DISP3: variants seen among roughly 807,000 people sequenced by gnomAD.
DISP3 encodes dispatched RND transporter family member 3.
A neutral mutation model predicts 135.3 loss-of-function variants in DISP3; 101 were observed. That is an observed-to-expected ratio of 0.75 (90% confidence interval 0.64 to 0.88). The LOEUF (loss-of-function observed/expected upper bound fraction) is 0.88. Ranked by LOEUF, DISP3 falls within the 40% of genes least tolerant of loss-of-function variation. The pLI, the probability that DISP3 is intolerant of heterozygous loss-of-function variation, is 0.00. For missense variants in DISP3, 1,713 were observed against 1,878.6 expected, an observed-to-expected ratio of 0.91 and a Z score of 1.63; for synonymous variants, 856 against 817.0, an observed-to-expected ratio of 1.05 and a Z score of -0.81.
chr1:11,531,678 C>G lies in DISP3; in HGVS notation c.3343C>G (p.Arg1115Gly), dbSNP rs373096487. Reference sequence around the variant, plus strand: ...CGGGGCAGTGGGCGTCAGGGAGGGCCGCGTGCAGTGGATCTCCATGGCTTT... The same window carrying G: ...CGGGGCAGTGGGCGTCAGGGAGGGCGGCGTGCAGTGGATCTCCATGGCTTT... ...SHGAVGVREG[R>G]VQWISMAFES... The change falls in exon 17 of 21, where the codon CGC (arginine) becomes GGC (glycine). Residue 1115 changes from arginine (R) to glycine (G), a missense_variant. Arg to Gly is a moderately radical substitution (Grantham distance 125, BLOSUM62 -2). This residue lies in a region of DISP3 where 1,142 missense variants were observed against 1,384.6 expected (regional missense o/e 0.82). Coordinates refer to ENST00000294484, the MANE Select transcript of DISP3 (RefSeq NM_020780.2). This position sits in a 1 kb window ranked among gnomAD's most constrained non-coding sequence, Gnocchi z 5.2. 5.6e-6 allele frequency: 9 copies of G among 1,610,736 alleles called. No individual in the cohort carries two copies. Among genetic ancestry groups the G allele is most frequent in the Non-Finnish European group, 6.8e-6 (8 of 1,178,592 alleles).
At chr1:11,513,951 T>G (rs935905512) in intron 3 of DISP3, among the ~76,000 whole-genome samples, 15 of 90,992 alleles carry the variant, frequency 1.6e-4, no homozygotes, top group East Asian at 1.4e-3. Flanking sequence ...TGGTTATGTT[T>G]TTTTTTTTTT....
intron 1 of DISP3, 60 bp from the exon 2 acceptor site, chr1:11,500,930 C>A: frequency 6.3e-7 from 1 of 1,580,070 alleles, no homozygotes. Flanking sequence ...GCGAACTGCA[C>A]CACAGGGCAC....
chr1:11,522,706 ACCCAGCCAGG>A (rs1642256568), intron 10 of DISP3, among the ~76,000 whole-genome samples: 19 of 24,228 alleles, frequency 7.8e-4, no homozygotes, highest in African/African-American at 1.4e-3. Context: ...CCCAGCCAGG[ACCCAGCCAGG>A]GCCCAGCCAG....
At position 11,526,692 on chromosome 1, in the gene DISP3, C is replaced by A. The variant is rs757183286; in HGVS notation, c.2655C>A (p.Thr885=). 6.2e-7 allele frequency: 1 copy of A among 1,614,142 alleles called. No homozygotes were observed. Among genetic ancestry groups the A allele is most frequent in the Non-Finnish European group, 8.5e-7 (1 of 1,179,998 alleles). The change falls in exon 13 of 21, where the codon ACC becomes ACA. Residue 885 remains threonine, a synonymous_variant. Coordinates refer to ENST00000294484, the MANE Select transcript of DISP3 (RefSeq NM_020780.2). ...TTGGTAACTTCACCAAGAAGCTGAC[C>A]GCTTGTATGTCTACAGTAGGGCTGC... ...APFGNFTKKL[T]ACMSTVGLLQ...
At chr1:11,485,208 C>T (rs1444175975) in intron 1 of DISP3, among the ~76,000 whole-genome samples, 1 of 152,040 alleles carries the variant, frequency 6.6e-6, no homozygotes, top group South Asian at 2.1e-4. Context: ...CAGCTGTCCC[C>T]TGGGGCTGAG....
At chr1:11,525,658 G>C (rs2100498477) in intron 12 of DISP3, among the ~76,000 whole-genome samples, 1 of 152,390 alleles carries the variant, frequency 6.6e-6, no homozygotes, top group South Asian at 2.1e-4. Context: ...TGAGGCCTGT[G>C]CCGTGCAGAA....
rs763357187 is a variant in DISP3 at position 11,519,760 on chromosome 1, C to T, written c.2080C>T (p.Pro694Ser). The stretch of plus-strand genomic sequence containing the variant: ...AGACGTGTCCCTGGTGTCTGTGTCC[C>T]CCGAGGGTCTGCAGCCAGCCTCCAA... The part of the protein sequence containing the change: ...LGDVSLVSVS[P>S]EGLQPASNTG... Residue 694 changes from proline (P) to serine (S), a missense_variant, in exon 9 of 21, where the codon CCC (proline) becomes TCC (serine). Physicochemically the swap from Pro to Ser is moderately conservative, Grantham distance 74 (BLOSUM62 -1). Transcript: ENST00000294484. The surrounding 1 kb of genome is among the most constrained non-coding windows in gnomAD (Gnocchi z 4.3). 41 of 1,613,038 alleles carry T rather than the reference C, an allele frequency of 2.5e-5. 1 individual carries two copies. The East Asian group carries it at 8.2e-4, about 32-fold the overall frequency.
chr1:11,492,116 C>T (rs1181139687), intron 1 of DISP3, among the ~76,000 whole-genome samples: 3 of 104,436 alleles, frequency 2.9e-5, no homozygotes, highest in Admixed American at 1.0e-4. Context: ...AGCGAGACTC[C>T]GTCTCAAAAA....
In DISP3 at chr1:11,499,837, C is replaced by G. The variant is rs1208307285; in HGVS notation, c.-3-1153C>G. ...CAGCCTCTCTTCCTGGACAGATCAT[C>G]TAATTGAAATGGAGCACTCCAAAGA... On this transcript the variant is annotated intron_variant, in intron 1 of 20. Coordinates refer to ENST00000294484, the MANE Select transcript of DISP3 (RefSeq NM_020780.2). The surrounding 1 kb of genome is among the most constrained non-coding windows in gnomAD (Gnocchi z 5.2). Among the ~76,000 whole-genome samples, 1 of 152,220 alleles carries G rather than the reference C, an allele frequency of 6.6e-6. No homozygotes were observed. The highest frequency in any genetic ancestry group is 1.5e-5 in the Non-Finnish European group (1 of 68,054).
chr1:11,491,844 C>T lies in DISP3; in HGVS notation c.-3-9146C>T, dbSNP rs564268271. 1.3e-5 allele frequency among the ~76,000 whole-genome samples: 2 copies of T among 152,058 alleles called. No homozygotes were observed. Among genetic ancestry groups the T allele is most frequent in the African/African-American group, 2.4e-5 (1 of 41,394 alleles). ...GCTGGCTAAGAAGTTAATAATTGGC[C>T]GGGCGCGGTGGCTCACGCCTGTAAT... On this transcript the variant is annotated intron_variant, in intron 1 of 20. Coordinates refer to ENST00000294484, the MANE Select transcript of DISP3 (RefSeq NM_020780.2). The surrounding 1 kb of genome is among the most constrained non-coding windows in gnomAD (Gnocchi z 4.3).
At chr1:11,513,972 A>G (rs891227946) in intron 3 of DISP3, among the ~76,000 whole-genome samples, 2 of 151,512 alleles carry the variant, frequency 1.3e-5, no homozygotes, top group Non-Finnish European at 2.9e-5. Context: ...TTAATTAAAA[A>G]TAACTTGTGT....
intron 10 of DISP3, among the ~76,000 whole-genome samples, chr1:11,521,385 GTGGGGTT>G: frequency 7.9e-6 from 1 of 126,304 alleles, no homozygotes; most frequent in Non-Finnish European, 1.7e-5. Flanking sequence ...GAGAGAAGGG[GTGGGGTT>G]AGCCAGGCTG....
Position 11,519,815 on chromosome 1 carries a change from A to T in DISP3, c.2135A>T (p.Gln712Leu), listed in dbSNP as rs776318600. Residue 712 changes from glutamine (Q) to leucine (L), a missense_variant, in exon 9 of 21, where the codon CAG becomes CTG. Physicochemically the swap from Gln to Leu is moderately radical, Grantham distance 113. Coordinates refer to ENST00000294484, the MANE Select transcript of DISP3 (RefSeq NM_020780.2). This position sits in a 1 kb window ranked among gnomAD's most constrained non-coding sequence, Gnocchi z 4.3. ...NTGSRGHLIV[Q>L]LQELLHHWVL... ...GGCAGCCGCGGCCATCTCATCGTGC[A>T]GCTGCAGGAGCTGCTGCACCACTGG... 1 of 1,612,700 alleles carries T rather than the reference A, an allele frequency of 6.2e-7. No individual in the cohort carries two copies. The highest frequency in any genetic ancestry group is 1.7e-5 in the Admixed American group (1 of 60,014).
At chr1:11,504,486 G>C (rs1243875523) in intron 3 of DISP3, among the ~76,000 whole-genome samples, 1 of 152,208 alleles carries the variant, frequency 6.6e-6, no homozygotes, top group East Asian at 1.9e-4. Flanking sequence ...CCCACTACCT[G>C]CTATGGTTTG....
Position 11,520,166 on chromosome 1 carries a change from C to T in DISP3, c.2200+286C>T, listed in dbSNP as rs1483507149. ...ACTTGAGTCTGAGTCCCAGTTTGGC[C>T]GCGTCCTAGCTGTGTGAATTTGGCT... On this transcript the variant is annotated intron_variant, in intron 9 of 20. Coordinates refer to ENST00000294484, the MANE Select transcript of DISP3 (RefSeq NM_020780.2). The surrounding 1 kb of genome is among the most constrained non-coding windows in gnomAD (Gnocchi z 4.8). Among the ~76,000 whole-genome samples, 3 of 152,028 alleles carry T rather than the reference C, an allele frequency of 2.0e-5. No homozygotes were observed. The highest frequency in any genetic ancestry group is 6.5e-5 in the Admixed American group (1 of 15,278).
chr1:11,510,006 G>A (rs949025684), intron 3 of DISP3, among the ~76,000 whole-genome samples: 1 of 152,108 alleles, frequency 6.6e-6, no homozygotes, highest in African/African-American at 2.4e-5. Context: ...GGCTGAGGGA[G>A]GAGAATGGCG....
Position 11,531,175 on chromosome 1 carries a change from C to T in DISP3, c.3229+142C>T. 3 of 1,351,730 alleles carry T rather than the reference C, an allele frequency of 2.2e-6. No homozygotes were observed. Among genetic ancestry groups the T allele is most frequent in the Non-Finnish European group, 2.0e-6 (2 of 994,812 alleles). The allele number at this position is 1,351,730 out of a possible 1,614,324, so 83.7% of individuals were successfully genotyped here. ...TTTGCAGATGTGTATCTGTGCTGAG[C>T]ATGTCCACACCAGGGTGGGGTGTGT... is the stretch of plus-strand genomic sequence containing the variant. On this transcript the variant is annotated intron_variant, in intron 16 of 20. Transcript: ENST00000294484. This position sits in a 1 kb window ranked among gnomAD's most constrained non-coding sequence, Gnocchi z 5.2.
At chr1:11,522,661 A>G (rs372228084) in intron 10 of DISP3, among the ~76,000 whole-genome samples, 6,978 of 38,728 alleles carry the variant, frequency 0.18, 64 homozygotes, top group Admixed American at 0.24. Context: ...GCCCAGCCAG[A>G]GCCCAGCCAG....
chr1:11,494,440 G>C (rs955121245), intron 1 of DISP3, among the ~76,000 whole-genome samples: 1 of 152,208 alleles, frequency 6.6e-6, no homozygotes, highest in Non-Finnish European at 1.5e-5. Context: ...CCTAGGTGGA[G>C]TGTCCAGGTC....
Sources: allele counts gnomAD v4.1 joint callset (sites outside exome capture counted in the v4.1 genomes callset), GRCh38; gene constraint gnomAD v4.1.1; regional missense constraint gnomAD v4.1.1; non-coding constraint Gnocchi (gnomAD v3.1); transcripts MANE v1.5; gene names NCBI Gene and HGNC (gene_info 2026-07-23, HGNC 2026-07-21).